Variants in PIK3C2G observed in about 807,000 individuals in gnomAD.
PIK3C2G encodes the protein phosphatidylinositol-4-phosphate 3-kinase catalytic subunit type 2 gamma, also known as phosphatidylinositol 3-kinase C2 domain-containing subunit gamma.
A neutral mutation model predicts 181.1 loss-of-function variants in PIK3C2G; 168 were observed. That is an observed-to-expected ratio of 0.93 (90% CI 0.82 to 1.05). The LOEUF (loss-of-function observed/expected upper bound fraction) is 1.05. Ranked by LOEUF, PIK3C2G falls within the 50% of genes least tolerant of loss-of-function variation. PIK3C2G has a pLI of 0.00. For missense variants in PIK3C2G, 1,869 were observed against 1,732.8 expected, an observed-to-expected ratio of 1.08 and a Z score of -1.40; for synonymous variants, 573 against 592.2, an observed-to-expected ratio of 0.97 and a Z score of 0.47.
At chr12:18,292,227 A>AAAAAAAAAATATATATATATATAT in intron 4 of PIK3C2G, among the ~76,000 whole-genome samples, 1 of 48,750 alleles carries the variant, frequency 2.1e-5, no homozygotes, top group Non-Finnish European at 3.3e-5. Context: ...AAAAAAAAAA[A>AAAAAAAAAATATATATATATATAT]ATATATATAT....
rs1343477783 is a variant in PIK3C2G, at chr12:18,579,139, G to C, written c.4011+12082G>C. Among the ~76,000 whole-genome samples the C allele has an allele frequency of 2.6e-5, 4 of 151,988 alleles. No individual in the cohort carries two copies. The South Asian group carries it at 8.3e-4, about 32-fold the overall frequency. ...CACTATGTGTAACACTCTTGATTAA[G>C]AGCTTTAAGTTGGTTGCAGACAAGA... is the stretch of plus-strand genomic sequence containing the variant. On this transcript the variant is annotated intron_variant, in intron 29 of 32. Coordinates refer to ENST00000538779, the MANE Select transcript of PIK3C2G (RefSeq NM_001288772.2).
At chr12:18,356,457 A>G (rs1477586700) in intron 11 of PIK3C2G, among the ~76,000 whole-genome samples, 1 of 152,062 alleles carries the variant, frequency 6.6e-6, no homozygotes. Context: ...TCTGGGGGGT[A>G]CCTACAATCT....
At chr12:18,279,764 C>G (rs188359237) in intron 1 of PIK3C2G, among the ~76,000 whole-genome samples, 1 of 151,796 alleles carries the variant, frequency 6.6e-6, no homozygotes, top group Non-Finnish European at 1.5e-5. Context: ...AATGATATAG[C>G]TATGTGACTC....
At chr12:18,653,293 T>A (rs1950599086), downstream of PIK3C2G, among the ~76,000 whole-genome samples, 1 of 152,158 alleles carries the variant, frequency 6.6e-6, no homozygotes, top group Non-Finnish European at 1.5e-5. Flanking sequence ...GATTTGATAT[T>A]ACATAGGAAA....
intron 5 of PIK3C2G, among the ~76,000 whole-genome samples, chr12:18,303,552 T>G (rs559198134): frequency 2.3e-4 from 35 of 152,232 alleles, no homozygotes; most frequent in African/African-American, 8.4e-4. Context: ...TCAGGTTCAC[T>G]CCTCATCTCC....
chr12:18,360,465 TTA>T (rs1307920896), intron 11 of PIK3C2G, among the ~76,000 whole-genome samples: 1 of 152,196 alleles, frequency 6.6e-6, no homozygotes, highest in Non-Finnish European at 1.5e-5. Context: ...CCGGTGAGTT[TTA>T]TAGTTTTACA....
chr12:18,408,313 A>G (rs2135603523), intron 16 of PIK3C2G, among the ~76,000 whole-genome samples: 1 of 152,340 alleles, frequency 6.6e-6, no homozygotes, highest in South Asian at 2.1e-4. Flanking sequence ...CCATTTATTA[A>G]ATAGGGAATC....
rs1945414394 is a variant in PIK3C2G, at chr12:18,562,714, A to G, written c.3602A>G (p.Glu1201Gly). The G allele has an allele frequency of 6.3e-7, 1 of 1,587,280 alleles. No homozygotes were observed. The highest frequency in any genetic ancestry group is 8.6e-7 in the Non-Finnish European group (1 of 1,162,642). The change falls in exon 27 of 33, where the codon GAA becomes GGA. Residue 1201 changes from glutamate to glycine, a missense_variant. Transcript: ENST00000538779. ...ATSHFTKKIK[E>G]SLECFPVKLN... The stretch of plus-strand genomic sequence containing the variant: ...TTACATTTCTCTAGGAAAATAAAGG[A>G]AAGTCTGGAGTGTTTCCCTGTTAAA...
At chr12:18,623,677 G>T (rs1410123495) in intron 31 of PIK3C2G, among the ~76,000 whole-genome samples, 1 of 151,558 alleles carries the variant, frequency 6.6e-6, no homozygotes, top group Non-Finnish European at 1.5e-5. Flanking sequence ...ATGAATACAG[G>T]CTATCTTTCC....
intron 11 of PIK3C2G, among the ~76,000 whole-genome samples, chr12:18,347,236 C>T (rs942217305): frequency 8.0e-5 from 12 of 150,790 alleles, no homozygotes; most frequent in African/African-American, 2.4e-4. Context: ...AAAAAAAAAT[C>T]ACTCTGATCC....
At chr12:18,639,386 C>T (rs1329947836) in intron 31 of PIK3C2G, among the ~76,000 whole-genome samples, 2 of 151,942 alleles carry the variant, frequency 1.3e-5, no homozygotes, top group Admixed American at 1.3e-4. Context: ...TATTTCAGAG[C>T]ATTAAAATAT....
chr12:18,324,178 G>A (rs1051787831), intron 7 of PIK3C2G, among the ~76,000 whole-genome samples: 9 of 151,070 alleles, frequency 6.0e-5, no homozygotes, highest in Non-Finnish European at 1.3e-4. Context: ...CGGAGATCGC[G>A]CCACTGCACT....
intron 1 of PIK3C2G, among the ~76,000 whole-genome samples, chr12:18,279,271 ATAT>A (rs1225191109): frequency 3.9e-5 from 6 of 152,038 alleles, no homozygotes; most frequent in Non-Finnish European, 7.4e-5. Flanking sequence ...GGTAGTAATA[ATAT>A]TATATATCTG....
At chr12:18,564,258 A>G (rs1013742271) in intron 28 of PIK3C2G, among the ~76,000 whole-genome samples, 1 of 151,934 alleles carries the variant, frequency 6.6e-6, no homozygotes, top group Admixed American at 6.6e-5. Context: ...TTGATCATAG[A>G]CTTCAGTCTA....
At chr12:18,703,773 T>C in the PIK3C2G span, among the ~76,000 whole-genome samples, 92 of 152,334 alleles carry the variant, frequency 6.0e-4, no homozygotes, top group South Asian at 0.012. Flanking sequence ...TTCTTTGCTG[T>C]CTTGTGTGTC....
chr12:18,338,947 G>A (rs1377921303), intron 9 of PIK3C2G, among the ~76,000 whole-genome samples: 2 of 151,946 alleles, frequency 1.3e-5, no homozygotes, highest in African/African-American at 2.4e-5. Context: ...GTATACGAGT[G>A]TATACAGGCA....
intron 3 of PIK3C2G, among the ~76,000 whole-genome samples, chr12:18,288,858 C>T (rs899211858): frequency 6.6e-6 from 1 of 152,138 alleles, no homozygotes; most frequent in Non-Finnish European, 1.5e-5. Context: ...GCACTAGTGA[C>T]ATCGAAATAC....
Position 18,314,087 on chromosome 12 carries a change from T to G in PIK3C2G, c.1137+23T>G, listed in dbSNP as rs750201574. ...AAGGTAAGACTTTCTTAGCATTGGT[T>G]TCAATTGGCAAACTGACAGTTTTAA... is the stretch of plus-strand genomic sequence containing the variant. On this transcript the variant is annotated intron_variant, in intron 6 of 32. Coordinates refer to ENST00000538779, the MANE Select transcript of PIK3C2G (RefSeq NM_001288772.2). The G allele has an allele frequency of 4.0e-6, 5 of 1,248,868 alleles. No individual in the cohort carries two copies. The East Asian group carries it at 9.9e-5, about 25-fold the overall frequency. 77.4% of individuals were successfully genotyped at this position (1,248,868 alleles called of 1,614,324 possible).
At chr12:18,568,459 T>C (rs570756387) in intron 29 of PIK3C2G, among the ~76,000 whole-genome samples, 1 of 151,736 alleles carries the variant, frequency 6.6e-6, no homozygotes, top group South Asian at 2.1e-4. Context: ...AGAAATTTGT[T>C]TAATTGGCTC....
Sources: allele counts gnomAD v4.1 joint callset (sites outside exome capture counted in the v4.1 genomes callset), GRCh38; gene constraint gnomAD v4.1.1; transcripts MANE v1.5; gene names NCBI Gene and HGNC (gene_info 2026-07-23, HGNC 2026-07-21).